The following C1QTNF3 variants were observed in gnomAD, a reference collection of about 807,000 sequenced individuals.
C1QTNF3 encodes the protein complement C1q tumor necrosis factor-related protein 3.
A neutral mutation model predicts 32.6 loss-of-function variants in C1QTNF3; 26 were observed. That is an observed-to-expected ratio of 0.80 (90% CI 0.58 to 1.11). C1QTNF3 has a LOEUF of 1.11. C1QTNF3 is among the 50% of genes least tolerant of loss of function. C1QTNF3 has a pLI of 0.00. For missense variants in C1QTNF3, 362 were observed against 398.2 expected, an observed-to-expected ratio of 0.91 and a Z score of 0.77; for synonymous variants, 155 against 146.0, an observed-to-expected ratio of 1.06 and a Z score of -0.44.
At chr5:34,078,604 G>A in the C1QTNF3 span, among the ~76,000 whole-genome samples, 1 of 151,496 alleles carries the variant, frequency 6.6e-6, no homozygotes, top group Non-Finnish European at 1.5e-5. The surrounding 1 kb of genome is among the most constrained non-coding windows in gnomAD (Gnocchi z 4.0). Flanking sequence ...TGACACTTGG[G>A]GATTACAATT....
At chr5:34,058,794 T>C in the C1QTNF3 span, among the ~76,000 whole-genome samples, 1 of 152,216 alleles carries the variant, frequency 6.6e-6, no homozygotes, top group East Asian at 1.9e-4. Context: ...TCATTCTGCA[T>C]TGATGCACAG....
At chr5:34,081,021 C>T in the C1QTNF3 span, among the ~76,000 whole-genome samples, 1,383 of 151,766 alleles carry the variant, frequency 9.1e-3, 10 homozygotes, top group Middle Eastern at 0.017. Context: ...CACAGTTTCC[C>T]TGGGGTCAAA....
At chr5:34,157,409 T>C in the C1QTNF3 span, among the ~76,000 whole-genome samples, 1 of 152,218 alleles carries the variant, frequency 6.6e-6, no homozygotes, top group African/African-American at 2.4e-5. Context: ...TGTAGCTCTA[T>C]TACTGAAATC....
At chr5:34,231,939 C>G in the C1QTNF3 span, among the ~76,000 whole-genome samples, 1 of 140,296 alleles carries the variant, frequency 7.1e-6, no homozygotes, top group African/African-American at 2.7e-5. Context: ...GCACAGTGTG[C>G]CTGGAAAAGT....
the C1QTNF3 span, among the ~76,000 whole-genome samples, chr5:34,223,829 G>A: frequency 6.6e-6 from 1 of 152,032 alleles, no homozygotes; most frequent in African/African-American, 2.4e-5. Context: ...GGAAAGAAAG[G>A]GTATTCAATT....
the C1QTNF3 span, among the ~76,000 whole-genome samples, chr5:34,098,535 T>C: frequency 5.0e-4 from 76 of 152,150 alleles, no homozygotes; most frequent in African/African-American, 1.8e-3. Context: ...CGCTGAGTTA[T>C]TTGTTTGTAT....
At chr5:34,210,139 A>G in the C1QTNF3 span, among the ~76,000 whole-genome samples, 1 of 152,022 alleles carries the variant, frequency 6.6e-6, no homozygotes, top group African/African-American at 2.4e-5. Context: ...CCAAATAGTG[A>G]TATTTTAGCT....
chr5:34,174,215 G>A, the C1QTNF3 span, among the ~76,000 whole-genome samples: 3 of 152,218 alleles, frequency 2.0e-5, no homozygotes, highest in Non-Finnish European at 4.4e-5. Flanking sequence ...TCACCACCAC[G>A]CAGGGATTCT....
chr5:34,195,847 A>G, the C1QTNF3 span, among the ~76,000 whole-genome samples: 3 of 139,160 alleles, frequency 2.2e-5, no homozygotes, highest in African/African-American at 8.7e-5. Flanking sequence ...CTCAAAAAAA[A>G]AAAAAAAAAT....
At chr5:34,134,367 C>T in the C1QTNF3 span, among the ~76,000 whole-genome samples, 3 of 152,130 alleles carry the variant, frequency 2.0e-5, no homozygotes, top group East Asian at 1.9e-4. Context: ...AAGGCTGCTT[C>T]ACAGGGTTTC....
chr5:34,240,573 A>C, the C1QTNF3 span, among the ~76,000 whole-genome samples: 1 of 151,616 alleles, frequency 6.6e-6, no homozygotes, highest in East Asian at 1.9e-4. Context: ...TGAATCAGGA[A>C]GATACTGAAA....
At chr5:34,174,060 T>C in the C1QTNF3 span, among the ~76,000 whole-genome samples, 3 of 152,184 alleles carry the variant, frequency 2.0e-5, no homozygotes, top group Admixed American at 1.3e-4. Flanking sequence ...ATCTTCAGGT[T>C]TACAAAACAT....
chr5:34,241,989 G>GAAGGAAGGAAGGAAGGAAGA, the C1QTNF3 span, among the ~76,000 whole-genome samples: 1 of 150,156 alleles, frequency 6.7e-6, no homozygotes, highest in Non-Finnish European at 1.5e-5. Flanking sequence ...AGGAAGGAAG[G>GAAGGAAGGAAGGAAGGAAGA]AAGGAAGGAA....
At chr5:34,100,064 G>T in the C1QTNF3 span, among the ~76,000 whole-genome samples, 1 of 151,716 alleles carries the variant, frequency 6.6e-6, no homozygotes, top group Non-Finnish European at 1.5e-5. Flanking sequence ...TCACAGTTCT[G>T]GAGGCTGGGA....
the C1QTNF3 span, among the ~76,000 whole-genome samples, chr5:34,070,423 C>T: frequency 1.3e-4 from 20 of 152,188 alleles, no homozygotes; most frequent in East Asian, 3.7e-3. Context: ...TAACATAAAA[C>T]TTATAAAACT....
the C1QTNF3 span, among the ~76,000 whole-genome samples, chr5:34,220,781 G>A: frequency 1.4e-4 from 21 of 151,976 alleles, no homozygotes; most frequent in Admixed American, 7.2e-4. Context: ...ATATTTGGCA[G>A]CTTCTATCAC....
chr5:34,146,198 A>C, the C1QTNF3 span, among the ~76,000 whole-genome samples: 1 of 152,212 alleles, frequency 6.6e-6, no homozygotes, highest in Non-Finnish European at 1.5e-5. Flanking sequence ...ATATAGAAAA[A>C]GAAGATGACA....
At chr5:34,031,130 C>G (rs1258663455) in intron 3 of C1QTNF3, among the ~76,000 whole-genome samples, 1 of 152,064 alleles carries the variant, frequency 6.6e-6, no homozygotes, top group Non-Finnish European at 1.5e-5. Context: ...TTGCTTAAAA[C>G]CACCATTGAA....
chr5:34,177,816 G>T, the C1QTNF3 span, among the ~76,000 whole-genome samples: 1 of 151,776 alleles, frequency 6.6e-6, no homozygotes, highest in Non-Finnish European at 1.5e-5. Flanking sequence ...TTGTAGAGAT[G>T]GGGTCCATGT....
Sources: allele counts gnomAD v4.1 joint callset (sites outside exome capture counted in the v4.1 genomes callset), GRCh38; gene constraint gnomAD v4.1.1; non-coding constraint Gnocchi (gnomAD v3.1); transcripts MANE v1.5; gene names NCBI Gene and HGNC (gene_info 2026-07-23, HGNC 2026-07-21).